The following EP400 variants were observed in gnomAD, a reference collection of about 807,000 sequenced individuals.
EP400 encodes the protein E1A binding protein p400.
EP400 carries 105 observed loss-of-function variants against 354.1 expected under a neutral mutation model. The observed-to-expected ratio is 0.30, with a 90% CI of 0.25 to 0.35. The LOEUF (loss-of-function observed/expected upper bound fraction) is 0.35. EP400 is among the 10% of genes least tolerant of loss of function. The pLI is 1.00. For synonymous variants in EP400, 1,646 were observed against 1,716.9 expected (o/e 0.96, Z 1.02); for missense variants, 3,280 against 4,121.0 (o/e 0.80, Z 5.59).
chr12:132,044,326 GC>G lies in EP400; in HGVS notation c.6585+18del. 1 of 1,606,270 alleles carries G rather than the reference GC, an allele frequency of 6.2e-7. No individual in the cohort carries two copies. ...CCTACAGCATGGTACCCGGCCCGGG[GC>G]CCTCCTGCCCTCTTGCCCCCCTGCT... On this transcript the variant is annotated intron_variant, in intron 35 of 52. Coordinates refer to ENST00000389561, the MANE Select transcript of EP400 (RefSeq NM_015409.5).
chr12:132,020,254 G>T, intron 22 of EP400, 36 bp downstream of exon 22: 1 of 1,539,274 alleles, frequency 6.5e-7, no homozygotes, highest in Non-Finnish European at 8.8e-7. Flanking sequence ...TCCGCCTTAT[G>T]GAGGTTTTTG....
chr12:132,018,251 T>G lies in EP400; in HGVS notation c.4152T>G (p.Asn1384Lys). The change falls in exon 21 of 53, where the codon AAT becomes AAG. Residue 1384 changes from asparagine (N) to lysine (K), a missense_variant. Physicochemically the swap from Asn to Lys is moderately conservative, Grantham distance 94 (BLOSUM62 0). Around this residue, in one of 20 missense-constraint regions of EP400, gnomAD observed 342 missense variants for 342.7 expected, o/e 1.00. Coordinates refer to ENST00000389561, the MANE Select transcript of EP400 (RefSeq NM_015409.5). The surrounding 1 kb of genome is among the most constrained non-coding windows in gnomAD (Gnocchi z 4.0). ...TGTTTGATCTCATCGGCTTAGAAAA[T>G]AAAATCACTCGTCACGAGGCAGAGT... ...LSMFDLIGLE[N>K]KITRHEAELL... is the part of the protein sequence containing the mutation. The G allele has an allele frequency of 6.2e-7, 1 of 1,613,184 alleles. No individual in the cohort carries two copies. Among genetic ancestry groups the G allele is most frequent in the South Asian group, 1.1e-5 (1 of 90,980 alleles).
chr12:131,963,195 A>G (rs1048679304), intron 2 of EP400, among the ~76,000 whole-genome samples: 7 of 152,214 alleles, frequency 4.6e-5, no homozygotes, highest in African/African-American at 1.2e-4. Flanking sequence ...TTCTGACCCT[A>G]CATATAACAG....
rs1593389804 is a variant in EP400 at position 132,070,173 on chromosome 12, G to C, written c.9021+532G>C. On this transcript the variant is annotated intron_variant, in intron 51 of 52. Coordinates refer to ENST00000389561, the MANE Select transcript of EP400 (RefSeq NM_015409.5). The surrounding 1 kb of genome is among the most constrained non-coding windows in gnomAD (Gnocchi z 4.1). ...CGGGGGAGTGGTACCTTCTTAGCTG[G>C]TCTTCCACCCTCCTGGAGTTGGTTT... 6.6e-6 allele frequency among the ~76,000 whole-genome samples: 1 copy of C among 152,038 alleles called. No homozygotes were observed. The highest frequency in any genetic ancestry group is 2.4e-5 in the African/African-American group (1 of 41,380).
chr12:132,004,305 T>C (rs1046273617), intron 12 of EP400, among the ~76,000 whole-genome samples: 1 of 152,212 alleles, frequency 6.6e-6, no homozygotes, highest in Non-Finnish European at 1.5e-5. Flanking sequence ...GGATGATTAA[T>C]GAAAAAACAT....
intron 45 of EP400, among the ~76,000 whole-genome samples, chr12:132,060,202 G>A (rs1367436460): frequency 6.6e-6 from 1 of 152,054 alleles, no homozygotes; most frequent in Non-Finnish European, 1.5e-5. Flanking sequence ...CAATTGAGGA[G>A]AAAATGAGGG....
intron 45 of EP400, among the ~76,000 whole-genome samples, chr12:132,055,706 G>A (rs1318443004): frequency 3.4e-5 from 5 of 147,346 alleles, no homozygotes; most frequent in Non-Finnish European, 1.5e-5. Flanking sequence ...GTGTAGGGGT[G>A]TGTGTGTGTG....
chr12:131,958,023 T>C (rs1195671643), intron 1 of EP400, among the ~76,000 whole-genome samples: 1 of 152,244 alleles, frequency 6.6e-6, no homozygotes, highest in East Asian at 1.9e-4. Context: ...TCTGAATTAC[T>C]ATATGTGAGA....
At position 132,030,210 on chromosome 12, in the gene EP400, A is replaced by C. The variant is rs765382207; in HGVS notation, c.5754+52A>C. 1.2e-5 allele frequency: 19 copies of C among 1,598,878 alleles called. No homozygotes were observed. In the African/African-American group the frequency reaches 2.5e-4, roughly 21 times the overall value. ...TCTGATGGGTCAGTCACTGGTGTTG[A>C]ATGCCTAAGTGCTGTGTAAATTCAG... is the stretch of plus-strand genomic sequence containing the variant. On this transcript the variant is annotated intron_variant, in intron 29 of 52. Coordinates refer to ENST00000389561, the MANE Select transcript of EP400 (RefSeq NM_015409.5).
chr12:132,015,308 T>C, intron 19 of EP400, among the ~76,000 whole-genome samples: 1 of 152,254 alleles, frequency 6.6e-6, no homozygotes, highest in East Asian at 1.9e-4. Flanking sequence ...GTAGAAACTT[T>C]GTATGTGTGG....
Position 132,067,321 on chromosome 12 carries a change from T to A in EP400, c.8750-41T>A. ...AGAGCTTGGCGTGAGCCTCAAGCTCTTTTCCCAGTGTGCTGACTAAGGGGC... is the reference window on the plus strand; with the variant it reads ...AGAGCTTGGCGTGAGCCTCAAGCTCATTTCCCAGTGTGCTGACTAAGGGGC... On this transcript the variant is annotated intron_variant, in intron 49 of 52. Transcript: ENST00000389561. The surrounding 1 kb of genome is among the most constrained non-coding windows in gnomAD (Gnocchi z 5.3). 2 of 1,598,878 alleles carry A rather than the reference T, an allele frequency of 1.3e-6. No homozygotes were observed. Among genetic ancestry groups the A allele is most frequent in the South Asian group, 2.2e-5 (2 of 90,022 alleles).
At chr12:132,035,855 A>G (rs1894682976) in intron 30 of EP400, among the ~76,000 whole-genome samples, 2 of 136,038 alleles carry the variant, frequency 1.5e-5, no homozygotes, top group Admixed American at 1.5e-4. Context: ...CACACGGGGC[A>G]TTGTGGAATG....
At chr12:132,043,809 C>T (rs1894992756) in intron 34 of EP400, 81 bp downstream of exon 34, 8 of 1,277,350 alleles carry the variant, frequency 6.3e-6, no homozygotes, top group Non-Finnish European at 8.8e-6. Context: ...AATGTGACTT[C>T]ATTAAATTAA....
intron 12 of EP400, among the ~76,000 whole-genome samples, chr12:132,003,012 G>C (rs1893468622): frequency 6.6e-6 from 1 of 152,128 alleles, no homozygotes; most frequent in South Asian, 2.1e-4. Context: ...ACTACAGATA[G>C]AAAATATTTA....
intron 12 of EP400, 101 bp downstream of exon 12, chr12:131,995,057 G>T (rs540770478): frequency 1.7e-6 from 2 of 1,160,788 alleles, no homozygotes; most frequent in East Asian, 2.6e-5. Context: ...CAGCAGCAGT[G>T]CCTGTTTTAT....
chr12:132,006,030 A>G, intron 13 of EP400, 82 bp from the exon 14 acceptor site: 1 of 1,378,850 alleles, frequency 7.3e-7, no homozygotes, highest in Non-Finnish European at 9.8e-7. Context: ...GATTCTATAA[A>G]CTTTTTCCTG....
At position 132,050,919 on chromosome 12, in the gene EP400, A is replaced by C; in HGVS notation, c.7394+264A>C. ...GGGAAAGACGCTGACAGATGTGATG[A>C]GTGTGCCAGGGCCATGTGGCCAACC... is the stretch of plus-strand genomic sequence containing the variant. On this transcript the variant is annotated intron_variant, in intron 41 of 52. Coordinates refer to ENST00000389561, the MANE Select transcript of EP400 (RefSeq NM_015409.5). The surrounding 1 kb of genome is among the most constrained non-coding windows in gnomAD (Gnocchi z 4.8). The C allele has an allele frequency of 5.4e-6, 3 of 559,490 alleles. No homozygotes were observed. In the East Asian group the frequency reaches 9.0e-5, roughly 17 times the overall value. 34.7% of individuals were successfully genotyped at this position (559,490 alleles called of 1,614,324 possible). A position where few individuals can be genotyped will look rare whatever the true frequency, so the allele number is the denominator to read the frequency against.
intron 24 of EP400, 82 bp downstream of exon 24, chr12:132,024,023 T>G: frequency 7.2e-7 from 1 of 1,387,364 alleles, no homozygotes; most frequent in East Asian, 2.7e-5. Context: ...CGGGCCTGCC[T>G]TGTGCATTTA....
intron 15 of EP400, among the ~76,000 whole-genome samples, chr12:132,009,830 A>ATTTTTT (rs35513772): frequency 3.8e-5 from 3 of 79,718 alleles, no homozygotes; most frequent in Non-Finnish European, 6.8e-5. Context: ...CGCCTGGCTA[A>ATTTTTT]TTTTTTTTTT....
Sources: gnomAD v4.1 joint callset for allele counts (sites outside exome capture counted in the v4.1 genomes callset) on GRCh38, gnomAD v4.1.1 for gene constraint, gnomAD v4.1.1 regional missense constraint, Gnocchi (gnomAD v3.1) non-coding constraint, MANE v1.5 for transcripts, NCBI Gene and HGNC (gene_info 2026-07-23, HGNC 2026-07-21) for gene names.